Variants in ANKRD54 observed in about 807,000 individuals in gnomAD.
ANKRD54 encodes the protein ankyrin repeat domain-containing protein 54.
In ANKRD54, 26 loss-of-function variants were observed where a neutral mutation model predicts 36.2. The observed-to-expected ratio is 0.72, with a 90% CI of 0.53 to 1.00. The LOEUF (loss-of-function observed/expected upper bound fraction) is 1.00. Ranked by LOEUF, ANKRD54 falls within the 50% of genes least tolerant of loss-of-function variation. ANKRD54 has a pLI of 0.00. For missense variants in ANKRD54, 384 were observed against 424.3 expected, an observed-to-expected ratio of 0.91 and a Z score of 0.83; for synonymous variants, 209 against 188.4, an observed-to-expected ratio of 1.11 and a Z score of -0.89.
At chr22:37,849,298 C>CCTT (rs373744080), upstream of ANKRD54, 992 of 947,658 alleles carry the variant, frequency 1.0e-3, 5 homozygotes, top group African/African-American at 0.014. Context: ...GGCTCCTCTT[C>CCTT]CTTCTGGATA....
At chr22:37,846,688 G>C (rs1924859309), upstream of ANKRD54, among the ~76,000 whole-genome samples, 1 of 151,864 alleles carries the variant, frequency 6.6e-6, no homozygotes. Context: ...TCCCACCTTG[G>C]CCTCCCAAAG....
chr22:37,841,337 G>C (rs1924214116), intron 1 of ANKRD54, among the ~76,000 whole-genome samples: 2 of 151,972 alleles, frequency 1.3e-5, no homozygotes, highest in African/African-American at 4.8e-5. Context: ...ACCACCCTGG[G>C]CAACATGGTG....
intron 1 of ANKRD54, 89 bp from the exon 2 acceptor site, chr22:37,840,323 C>A (rs1330713965): frequency 1.9e-5 from 27 of 1,384,918 alleles, no homozygotes; most frequent in Non-Finnish European, 2.5e-5. Flanking sequence ...CTCTGGGAGG[C>A]CAAGGCAGGC....
At chr22:37,846,849 TTTC>T (rs1450640012), upstream of ANKRD54, among the ~76,000 whole-genome samples, 1 of 150,764 alleles carries the variant, frequency 6.6e-6, no homozygotes, top group Non-Finnish European at 1.5e-5. Flanking sequence ...TTTCAGGTAA[TTTC>T]TTTTCTTTTT....
At chr22:37,847,311 T>C (rs1924893470), upstream of ANKRD54, among the ~76,000 whole-genome samples, 1 of 151,664 alleles carries the variant, frequency 6.6e-6, no homozygotes, top group Non-Finnish European at 1.5e-5. Context: ...TACAGGCATA[T>C]GCCACCATGC....
chr22:37,833,282 G>A, intron 4 of ANKRD54, 76 bp from the exon 5 acceptor site: 1 of 1,568,722 alleles, frequency 6.4e-7, no homozygotes. Context: ...GAGGGAGCAG[G>A]GCTGTGTCTC....
chr22:37,831,866 T>G lies in ANKRD54; in HGVS notation c.*77A>C. On this transcript the variant is annotated 3_prime_UTR_variant, in exon 8 of 8. Coordinates refer to ENST00000215941, the MANE Select transcript of ANKRD54 (RefSeq NM_138797.4). ...GACAAGTGCAGCTCCAAGTCCCAGA[T>G]GTTGGGCTTTTTCTTGGTACTGAGA... is the stretch of plus-strand genomic sequence containing the variant. The G allele has an allele frequency of 2.0e-5, 29 of 1,457,882 alleles. No individual in the cohort carries two copies. The highest frequency in any genetic ancestry group is 2.6e-5 in the Non-Finnish European group (27 of 1,054,336). The allele number at this position is 1,457,882 out of a possible 1,614,324, so 90.3% of individuals were successfully genotyped here. A position where few individuals can be genotyped will look rare whatever the true frequency, so the allele number is the denominator to read the frequency against.
intron 5 of ANKRD54, 30 bp from the exon 6 acceptor site, chr22:37,833,112 G>A: frequency 2.5e-6 from 4 of 1,614,004 alleles, no homozygotes; most frequent in Non-Finnish European, 1.7e-6. Context: ...TGAGCATTCT[G>A]GGGGTGAGGG....
intron 3 of ANKRD54, among the ~76,000 whole-genome samples, chr22:37,835,499 G>T (rs965350624): frequency 3.3e-5 from 5 of 151,986 alleles, no homozygotes; most frequent in Non-Finnish European, 5.9e-5. Flanking sequence ...AATATACAAA[G>T]AATTCTTACA....
chr22:37,839,361 C>T (rs952650212), intron 2 of ANKRD54, among the ~76,000 whole-genome samples: 4 of 152,190 alleles, frequency 2.6e-5, no homozygotes, highest in African/African-American at 9.6e-5. Flanking sequence ...CTCTAATTTC[C>T]ACAACATTTT....
Position 37,833,925 on chromosome 22 carries a change from A to G in ANKRD54, c.476-170T>C, listed in dbSNP as rs1234923695. The G allele has an allele frequency of 4.7e-6, 3 of 634,702 alleles. No homozygotes were observed. The East Asian group carries it at 8.4e-5, about 18-fold the overall frequency. The allele number at this position is 634,702 out of a possible 1,614,324, so 39.3% of individuals were successfully genotyped here. A position where few individuals can be genotyped will look rare whatever the true frequency, so the allele number is the denominator to read the frequency against. On this transcript the variant is annotated intron_variant, in intron 3 of 7. Coordinates refer to ENST00000215941, the MANE Select transcript of ANKRD54 (RefSeq NM_138797.4). ...CTCACTCACTTACTTACCAGAGTTC[A>G]TGGGCAAAGCCCTGAGGGCCAGGAA... is the stretch of plus-strand genomic sequence containing the variant.
chr22:37,831,609 A>T lies in ANKRD54; in HGVS notation c.*334T>A, dbSNP rs1252474465. 1 of 320,806 alleles carries T rather than the reference A, an allele frequency of 3.1e-6. No homozygotes were observed. Among genetic ancestry groups the T allele is most frequent in the Non-Finnish European group, 5.9e-6 (1 of 168,164 alleles). 19.9% of individuals were successfully genotyped at this position (320,806 alleles called of 1,614,324 possible). Reference sequence around the variant, plus strand: ...ACACAGAGAAGGGTCTGAGGCCTGGAGCGCGCCATGAAGGCCATGGGGCAA... The same window carrying T: ...ACACAGAGAAGGGTCTGAGGCCTGGTGCGCGCCATGAAGGCCATGGGGCAA... On this transcript the variant is annotated 3_prime_UTR_variant, in exon 8 of 8. Coordinates refer to ENST00000215941, the MANE Select transcript of ANKRD54 (RefSeq NM_138797.4).
Position 37,840,237 on chromosome 22 carries a change from G to A in ANKRD54, c.329-3C>T, listed in dbSNP as rs769064788. The A allele has an allele frequency of 6.2e-7, 1 of 1,613,760 alleles. No homozygotes were observed. Among genetic ancestry groups the A allele is most frequent in the South Asian group, 1.1e-5 (1 of 91,088 alleles). On this transcript the variant is annotated splice_region_variant and splice_polypyrimidine_tract_variant and intron_variant, in intron 1 of 7. Transcript: ENST00000215941. ...CGAGTCCCTCAGTCTCTTCAGAGCT[G>A]TAAAGAGAGTAACGGATGCCAGTTT...
upstream of ANKRD54, among the ~76,000 whole-genome samples, chr22:37,844,842 A>C (rs1924738526): frequency 6.6e-6 from 1 of 152,056 alleles, no homozygotes; most frequent in Non-Finnish European, 1.5e-5. Context: ...TGCTGGGATT[A>C]CAGGCGTGAG....
At chr22:37,833,871 A>G in intron 3 of ANKRD54, 116 bp from the exon 4 acceptor site, 1 of 854,464 alleles carries the variant, frequency 1.2e-6, no homozygotes, top group East Asian at 2.7e-5. Context: ...GCAAGCATGG[A>G]TGGCTGTGTT....
intron 3 of ANKRD54, among the ~76,000 whole-genome samples, chr22:37,838,085 A>T (rs1292900087): frequency 6.6e-6 from 1 of 151,850 alleles, no homozygotes; most frequent in African/African-American, 2.4e-5. Flanking sequence ...CAGTGAACCG[A>T]GATGGCACCA....
intron 7 of ANKRD54, 34 bp downstream of exon 7, chr22:37,832,603 A>C: frequency 6.2e-7 from 1 of 1,602,846 alleles, no homozygotes; most frequent in Non-Finnish European, 8.5e-7. Context: ...GGCTCCTGCC[A>C]GGCCCTGGGT....
At chr22:37,833,992 G>A (rs1046000589) in intron 3 of ANKRD54, 1 of 498,156 alleles carries the variant, frequency 2.0e-6, no homozygotes, top group African/African-American at 1.9e-5. Flanking sequence ...GCAGGTGTAG[G>A]AATGAGATTT....
At chr22:37,848,904 A>G (rs2146001282), upstream of ANKRD54, 1 of 156,332 alleles carries the variant, frequency 6.4e-6, no homozygotes, top group Non-Finnish European at 1.4e-5. Flanking sequence ...ACGTGTCCTT[A>G]TATCTGAATC....
Sources: gnomAD v4.1 joint callset for allele counts (sites outside exome capture counted in the v4.1 genomes callset) on GRCh38, gnomAD v4.1.1 for gene constraint, MANE v1.5 for transcripts, NCBI Gene and HGNC (gene_info 2026-07-23, HGNC 2026-07-21) for gene names.